MBP: variants seen among roughly 807,000 people sequenced by gnomAD.
MBP encodes myelin basic protein.
A neutral mutation model predicts 35.8 loss-of-function variants in MBP; 16 were observed. The observed-to-expected ratio is 0.45, with a 90% CI of 0.30 to 0.68. The LOEUF is 0.68. Ranked by LOEUF, MBP falls within the 30% of genes least tolerant of loss-of-function variation. The probability of loss-of-function intolerance (pLI) is 0.08; values close to 1 mark genes in which losing one functional copy is unlikely to be tolerated. For synonymous variants in MBP, 143 were observed against 159.6 expected (o/e 0.90, Z 0.78); for missense variants, 380 against 404.7 (o/e 0.94, Z 0.52).
At chr18:77,054,726 C>T (rs768000705) in intron 3 of MBP, among the ~76,000 whole-genome samples, 7 of 152,172 alleles carry the variant, frequency 4.6e-5, no homozygotes, top group Non-Finnish European at 8.8e-5. Context: ...AAGTTCCAAT[C>T]CCTGTTAGCG....
At chr18:76,997,871 A>T (rs562658425) in intron 4 of MBP, among the ~76,000 whole-genome samples, 12 of 151,156 alleles carry the variant, frequency 7.9e-5, no homozygotes, top group Non-Finnish European at 1.6e-4. Context: ...TTTAGTAGAG[A>T]CGGGGTTTCA....
intron 4 of MBP, among the ~76,000 whole-genome samples, chr18:76,996,176 C>G (rs57209787): frequency 0.06 from 9,061 of 152,186 alleles, 404 homozygotes; most frequent in East Asian, 0.29. Flanking sequence ...TAAAAAATGC[C>G]AACATTCCCA....
chr18:77,060,908 G>A (rs1973952414), intron 3 of MBP, among the ~76,000 whole-genome samples: 1 of 152,212 alleles, frequency 6.6e-6, no homozygotes, highest in Admixed American at 6.5e-5. Context: ...TGTTTCCCAG[G>A]TGGAGTCTGT....
At chr18:77,055,770 G>C (rs1973695286) in intron 3 of MBP, among the ~76,000 whole-genome samples, 1 of 152,120 alleles carries the variant, frequency 6.6e-6, no homozygotes, top group African/African-American at 2.4e-5. Flanking sequence ...AGACAGTGAG[G>C]TCATGACAAG....
At chr18:77,009,338 C>T (rs764486425) in intron 4 of MBP, among the ~76,000 whole-genome samples, 15 of 152,250 alleles carry the variant, frequency 9.9e-5, no homozygotes, top group Non-Finnish European at 1.9e-4. Flanking sequence ...CAGCTGAGCT[C>T]AGGTGAGGAC....
At chr18:77,031,577 T>C (rs1362614797) in intron 3 of MBP, among the ~76,000 whole-genome samples, 1 of 152,266 alleles carries the variant, frequency 6.6e-6, no homozygotes, top group Non-Finnish European at 1.5e-5. Flanking sequence ...ATTTCCAGGG[T>C]ACTGTTCTGT....
At chr18:77,093,310 G>A (rs184803773) in intron 2 of MBP, 1 of 152,522 alleles carries the variant, frequency 6.6e-6, no homozygotes, top group African/African-American at 2.4e-5. Flanking sequence ...CAGAGGGAAG[G>A]CGGCATGAGG....
intron 1 of MBP, among the ~76,000 whole-genome samples, chr18:77,129,078 T>C (rs1977154422): frequency 6.6e-6 from 1 of 152,242 alleles, no homozygotes; most frequent in South Asian, 2.1e-4. Context: ...ATCTGGGTTT[T>C]CTCATTAGTC....
intron 3 of MBP, among the ~76,000 whole-genome samples, chr18:77,063,386 C>T (rs542721304): frequency 6.6e-6 from 1 of 152,272 alleles, no homozygotes; most frequent in African/African-American, 2.4e-5. Context: ...CCTCCTGGGC[C>T]AGCCTCCCCT....
At chr18:77,064,928 A>G (rs1053032212) in intron 3 of MBP, among the ~76,000 whole-genome samples, 1 of 152,180 alleles carries the variant, frequency 6.6e-6, no homozygotes, top group Non-Finnish European at 1.5e-5. Flanking sequence ...TGCTTTAGGA[A>G]TAGATGAAGA....
Position 77,037,757 on chromosome 18 carries a change from C to T in MBP, c.140-20489G>A, listed in dbSNP as rs1028820364. On this transcript the variant is annotated intron_variant, in intron 3 of 8. Transcript: ENST00000355994. ...ATGAAGCTGCTCTGTGCAGCCGAGG[C>T]GCCTGGAGTACATCGCTGCTGGGTG... 4.6e-5 allele frequency among the ~76,000 whole-genome samples: 7 copies of T among 152,176 alleles called. No individual in the cohort carries two copies. The East Asian group carries it at 9.6e-4, about 21-fold the overall frequency.
At chr18:76,986,744 T>G (rs1045023043) in intron 7 of MBP, 1 of 985,388 alleles carries the variant, frequency 1.0e-6, no homozygotes, top group Non-Finnish European at 1.2e-6. Context: ...GCCACTTCCC[T>G]GCAAGCGTTA....
At chr18:77,018,734 C>T (rs1971822575) in intron 3 of MBP, among the ~76,000 whole-genome samples, 1 of 136,166 alleles carries the variant, frequency 7.3e-6, no homozygotes, top group Non-Finnish European at 1.6e-5. Context: ...CCATCCACCC[C>T]TCCATCTATC....
At chr18:77,050,517 C>T (rs148741081) in intron 3 of MBP, among the ~76,000 whole-genome samples, 44 of 152,220 alleles carry the variant, frequency 2.9e-4, no homozygotes, top group African/African-American at 1.0e-3. Context: ...CTGTGTGCCT[C>T]GCAGGTACTA....
At chr18:77,094,392 C>T (rs1011084757) in intron 2 of MBP, among the ~76,000 whole-genome samples, 2 of 152,222 alleles carry the variant, frequency 1.3e-5, no homozygotes, top group Non-Finnish European at 2.9e-5. Flanking sequence ...GGGGGTGCAT[C>T]ACATCCAGAG....
upstream of MBP, chr18:77,133,535 T>C (rs896509126): frequency 1.3e-5 from 2 of 152,316 alleles, no homozygotes; most frequent in Non-Finnish European, 2.9e-5. Flanking sequence ...GATTTAGTGG[T>C]CAGAGATCTT....
In MBP at chr18:76,986,240, G is replaced by A. The variant is rs139810673; in HGVS notation, c.751-1346C>T. 1.7e-3 allele frequency: 1,664 copies of A among 985,482 alleles called. 4 individuals are homozygous for A. The highest frequency in any genetic ancestry group is 0.011 in the Middle Eastern group (22 of 1,914). The allele number at this position is 985,482 out of a possible 1,614,324, so 61.0% of individuals were successfully genotyped here. On this transcript the variant is annotated intron_variant, in intron 7 of 8. Coordinates refer to ENST00000355994, the MANE Select transcript of MBP (RefSeq NM_001025101.2). ...TTTACATTTTGCCAACAAGAAATGG[G>A]AGACTGTCCTTGAGCCCTCTCCTGA...
intron 4 of MBP, among the ~76,000 whole-genome samples, chr18:76,995,632 A>G (rs554861708): frequency 6.6e-6 from 1 of 152,314 alleles, no homozygotes; most frequent in Admixed American, 6.5e-5. Flanking sequence ...TGTTAAAAAA[A>G]ACAACGACCA....
At chr18:77,025,887 GCTGCCTTT>G (rs1393135995) in intron 3 of MBP, among the ~76,000 whole-genome samples, 2 of 152,044 alleles carry the variant, frequency 1.3e-5, no homozygotes, top group Non-Finnish European at 2.9e-5. Flanking sequence ...AGGTTCCGCT[GCTGCCTTT>G]CTGGCACACG....
Sources: gnomAD v4.1 joint callset for allele counts (sites outside exome capture counted in the v4.1 genomes callset) on GRCh38, gnomAD v4.1.1 for gene constraint, MANE v1.5 for transcripts, NCBI Gene and HGNC (gene_info 2026-07-23, HGNC 2026-07-21) for gene names.